GPR107: variants seen among roughly 807,000 people sequenced by gnomAD.
GPR107 encodes the protein G protein-coupled receptor 107.
A neutral mutation model predicts 75.5 loss-of-function variants in GPR107; 31 were observed. The observed-to-expected ratio is 0.41, with a 90% confidence interval of 0.31 to 0.55. The LOEUF (loss-of-function observed/expected upper bound fraction) is 0.55. GPR107 is among the 20% of genes least tolerant of loss of function. The probability of loss-of-function intolerance (pLI) is 0.26; values close to 1 mark genes in which losing one functional copy is unlikely to be tolerated. For missense variants in GPR107, 572 were observed against 665.7 expected (o/e 0.86, Z 1.55); for synonymous variants, 267 against 251.3 (o/e 1.06, Z -0.59).
At chr9:130,056,988 C>CCGCATG (rs1829809456) in intron 1 of GPR107, among the ~76,000 whole-genome samples, 1 of 138,488 alleles carries the variant, frequency 7.2e-6, no homozygotes, top group Non-Finnish European at 1.5e-5. Context: ...GCATTCAAAG[C>CCGCATG]CATCCTGGGC....
chr9:130,077,131 C>T (rs1481823265), intron 3 of GPR107, among the ~76,000 whole-genome samples, 168 bp from the exon 4 acceptor site: 1 of 152,086 alleles, frequency 6.6e-6, no homozygotes, highest in Non-Finnish European at 1.5e-5. Context: ...CACGATCCAC[C>T]CACCTCGGCC....
chr9:130,128,527 A>G, intron 16 of GPR107, 113 bp from the exon 17 acceptor site: 1 of 882,890 alleles, frequency 1.1e-6, no homozygotes. Flanking sequence ...ATCTGAGTAA[A>G]GAACCATCGA....
At chr9:130,119,364 A>G (rs980315209) in intron 14 of GPR107, among the ~76,000 whole-genome samples, 1 of 152,182 alleles carries the variant, frequency 6.6e-6, no homozygotes. Context: ...AGTATATGCT[A>G]CATTTGGTAT....
intron 7 of GPR107, among the ~76,000 whole-genome samples, chr9:130,089,907 A>G (rs1447345111): frequency 6.6e-6 from 1 of 152,170 alleles, no homozygotes; most frequent in Non-Finnish European, 1.5e-5. Flanking sequence ...GTATACATGC[A>G]GAAGAGTGTG....
chr9:130,139,589 G>C lies in GPR107; in HGVS notation c.*4468G>C, dbSNP rs2132670688. 6.6e-6 allele frequency: 1 copy of C among 152,486 alleles called. No homozygotes were observed. Among genetic ancestry groups the C allele is most frequent in the Admixed American group, 6.5e-5 (1 of 15,306 alleles). 9.4% of individuals were successfully genotyped at this position (152,486 alleles called of 1,614,324 possible). On this transcript the variant is annotated 3_prime_UTR_variant, in exon 18 of 18. Transcript: ENST00000347136. ...GATGGTGCAGGAGTGAATGGGCATG[G>C]CTTGGCCTCGCTACCTCGGGGACCT...
intron 5 of GPR107, among the ~76,000 whole-genome samples, chr9:130,082,845 A>G (rs1430284750): frequency 6.6e-6 from 1 of 152,042 alleles, no homozygotes; most frequent in African/African-American, 2.4e-5. Context: ...GCCATTAGCA[A>G]TCTTCTTGCT....
chr9:130,105,136 C>T (rs951166092), intron 13 of GPR107, among the ~76,000 whole-genome samples: 1 of 152,130 alleles, frequency 6.6e-6, no homozygotes. Context: ...AGAAGGCTAG[C>T]AGCAATAAAA....
intron 17 of GPR107, chr9:130,128,966 G>T (rs112756822): frequency 1.2e-5 from 6 of 497,062 alleles, no homozygotes; most frequent in African/African-American, 7.8e-5. Flanking sequence ...GCTGGGTCTT[G>T]TCAGGGAAGA....
chr9:130,080,968 G>T (rs1015424441), intron 5 of GPR107, among the ~76,000 whole-genome samples: 8 of 151,772 alleles, frequency 5.3e-5, no homozygotes, highest in African/African-American at 1.9e-4. Context: ...CCAGCACTTT[G>T]GGAGGCCAAA....
At chr9:130,081,309 G>A (rs990453938) in intron 5 of GPR107, among the ~76,000 whole-genome samples, 3 of 152,096 alleles carry the variant, frequency 2.0e-5, no homozygotes, top group Admixed American at 6.5e-5. Flanking sequence ...AGGCCAAGGC[G>A]GGCAGATTAC....
At chr9:130,120,651 C>A (rs1268396729) in intron 14 of GPR107, among the ~76,000 whole-genome samples, 1 of 152,216 alleles carries the variant, frequency 6.6e-6, no homozygotes, top group African/African-American at 2.4e-5. Flanking sequence ...CGCTCTGCAT[C>A]GATGGACATC....
intron 14 of GPR107, chr9:130,120,974 A>T (rs1354255115): frequency 6.6e-6 from 1 of 152,180 alleles, no homozygotes; most frequent in Non-Finnish European, 1.5e-5. Context: ...TGGAAAACAG[A>T]TGGGAGGATT....
intron 14 of GPR107, among the ~76,000 whole-genome samples, chr9:130,119,116 G>C (rs1195323173): frequency 6.6e-6 from 1 of 152,234 alleles, no homozygotes; most frequent in Non-Finnish European, 1.5e-5. Context: ...ATCTTTGGAA[G>C]AACAATGGAG....
chr9:130,100,370 A>C (rs767403098), intron 10 of GPR107, among the ~76,000 whole-genome samples: 2 of 152,210 alleles, frequency 1.3e-5, no homozygotes, highest in Non-Finnish European at 2.9e-5. Context: ...AACTTGCCCA[A>C]GGGGGTAAGA....
chr9:130,075,744 G>T lies in GPR107; in HGVS notation c.250G>T (p.Val84Leu). 2 of 1,410,738 alleles carry T rather than the reference G, an allele frequency of 1.4e-6. No individual in the cohort carries two copies. Among genetic ancestry groups the T allele is most frequent in the Non-Finnish European group, 2.0e-6 (2 of 995,080 alleles). The allele number at this position is 1,410,738 out of a possible 1,614,324, so 87.4% of individuals were successfully genotyped here. The change falls in exon 2 of 18, where the codon GTG becomes TTG. Residue 84 changes from valine (V) to leucine (L), a missense_variant. Val to Leu is a conservative substitution (Grantham distance 32). Transcript: ENST00000347136. The part of the protein sequence containing the change: ...LSLNEPEDKD[V>L]TIGFSLDRTK... ...ACTGAATGAGCCTGAAGACAAGGAT[G>T]TGACTGTAAGTACCTTTTAATGAGA...
intron 10 of GPR107, 107 bp downstream of exon 10, chr9:130,099,639 A>T (rs1830965563): frequency 1.5e-6 from 1 of 682,634 alleles, no homozygotes; most frequent in Non-Finnish European, 2.6e-6. Context: ...AAACAAAGAC[A>T]AAGAATACAT....
At chr9:130,075,556 CT>C in intron 1 of GPR107, 79 bp from the exon 2 acceptor site, 1 of 790,488 alleles carries the variant, frequency 1.3e-6, no homozygotes, top group Non-Finnish European at 2.2e-6. Flanking sequence ...TGATATCATA[CT>C]TTTTAAAGCA....
At chr9:130,062,632 T>TCCTG (rs536746664) in intron 1 of GPR107, among the ~76,000 whole-genome samples, 2 of 136,954 alleles carry the variant, frequency 1.5e-5, no homozygotes, top group South Asian at 2.5e-4. Flanking sequence ...CTTCCTGCCT[T>TCCTG]CCTGCCTGCC....
intron 15 of GPR107, among the ~76,000 whole-genome samples, chr9:130,126,273 T>G (rs1831681099): frequency 6.6e-6 from 1 of 151,850 alleles, no homozygotes; most frequent in South Asian, 2.1e-4. Flanking sequence ...CATAATTTCT[T>G]GGAATATATA....
Sources: gnomAD v4.1 joint callset for allele counts (sites outside exome capture counted in the v4.1 genomes callset) on GRCh38, gnomAD v4.1.1 for gene constraint, MANE v1.5 for transcripts, NCBI Gene and HGNC (gene_info 2026-07-23, HGNC 2026-07-21) for gene names.